LRRFIP1: variants seen among roughly 807,000 people sequenced by gnomAD.
The protein encoded by LRRFIP1 is LRR binding FLII interacting protein 1, also known as leucine-rich repeat flightless-interacting protein 1.
LRRFIP1 carries 62 observed loss-of-function variants against 104.4 expected under a neutral mutation model. The ratio of observed to expected loss-of-function variants is 0.59; its 90% CI spans 0.48 to 0.73. The LOEUF (loss-of-function observed/expected upper bound fraction) is 0.73. Among genes scored for constraint, LRRFIP1 ranks in the 30% least tolerant of loss-of-function variants. LRRFIP1 has a pLI of 0.00. For synonymous variants in LRRFIP1, 300 were observed against 299.0 expected (o/e 1.00, Z -0.03); for missense variants, 796 against 824.5 (o/e 0.97, Z 0.42).
At chr2:237,768,469 G>A (rs777567756) in intron 19 of LRRFIP1, 4 of 152,128 alleles carry the variant, frequency 2.6e-5, no homozygotes, top group Non-Finnish European at 2.9e-5. Context: ...TTCTTATGAC[G>A]CCTGTAGTTT....
chr2:237,708,620 A>G lies in LRRFIP1; in HGVS notation c.173A>G (p.Gln58Arg). Residue 58 changes from glutamine (Q) to arginine (R), a missense_variant, in exon 2 of 24, where the codon CAG becomes CGG. Gln to Arg is a conservative substitution (Grantham distance 43, BLOSUM62 1). Coordinates refer to ENST00000308482, the MANE Select transcript of LRRFIP1 (RefSeq NM_001137550.2). ...REIRMKELERQQKEIYQVQKK... is the reference protein window; with the variant it reads ...REIRMKELERRQKEIYQVQKK... Reference sequence around the variant, plus strand: ...ATCCGCATGAAGGAGCTGGAGCGGCAGCAGAAGGAGGTAACGCTTGGGGCT... The same window carrying G: ...ATCCGCATGAAGGAGCTGGAGCGGCGGCAGAAGGAGGTAACGCTTGGGGCT... The G allele has an allele frequency of 6.3e-7, 1 of 1,598,482 alleles. No individual in the cohort carries two copies. The highest frequency in any genetic ancestry group is 8.5e-7 in the Non-Finnish European group (1 of 1,170,586).
chr2:237,774,399 G>T lies in LRRFIP1; in HGVS notation c.1749G>T (p.Ala583=), dbSNP rs767595090. 8 of 1,613,544 alleles carry T rather than the reference G, an allele frequency of 5.0e-6. No homozygotes were observed. The highest frequency in any genetic ancestry group is 6.8e-6 in the Non-Finnish European group (8 of 1,179,784). ...LESQVSRYKS[A]AENAEKIEDE... ...GTCAAGTATCACGTTACAAATCAGC[G>T]GCTGAAAATGCAGAAAAAATAGAAG... Residue 583 remains alanine (A), a synonymous_variant, in exon 23 of 24, where the codon GCG becomes GCT. Coordinates refer to ENST00000308482, the MANE Select transcript of LRRFIP1 (RefSeq NM_001137550.2).
chr2:237,722,585 AGGACAGTACATAAGATGGGGAGGAAGT>A (rs1381584128), intron 6 of LRRFIP1, among the ~76,000 whole-genome samples: 4 of 152,236 alleles, frequency 2.6e-5, no homozygotes, highest in Non-Finnish European at 4.4e-5. Context: ...GTTCACCATT[AGGACAGTACATAAGATGGGGAGGAAGT>A]GGATGGGATT....
intron 1 of LRRFIP1, among the ~76,000 whole-genome samples, chr2:237,645,080 G>A (rs527496953): frequency 6.6e-6 from 1 of 152,314 alleles, no homozygotes; most frequent in South Asian, 2.1e-4. Context: ...CCACATCCAG[G>A]GAAGTGGACT....
intron 11 of LRRFIP1, among the ~76,000 whole-genome samples, chr2:237,743,924 G>A (rs2057461030): frequency 6.6e-6 from 1 of 152,158 alleles, no homozygotes; most frequent in South Asian, 2.1e-4. Flanking sequence ...TCACGTTTCT[G>A]AAACATCCAT....
intron 2 of LRRFIP1, among the ~76,000 whole-genome samples, chr2:237,712,974 T>C (rs1438898318): frequency 1.3e-4 from 20 of 151,970 alleles, no homozygotes; most frequent in Admixed American, 1.3e-3. Flanking sequence ...TACTTTGGTG[T>C]AAAAATTGAG....
At chr2:237,763,015 G>A (rs201358772) in intron 19 of LRRFIP1, 133 of 1,614,220 alleles carry the variant, frequency 8.2e-5, no homozygotes, top group Non-Finnish European at 7.6e-6. Flanking sequence ...TTGAAGAGCA[G>A]GCAGGCACAG....
intron 2 of LRRFIP1, among the ~76,000 whole-genome samples, chr2:237,712,932 T>C (rs1385502150): frequency 1.3e-5 from 2 of 152,186 alleles, no homozygotes; most frequent in Admixed American, 1.3e-4. Context: ...TGAATACGTT[T>C]TGGAAGACCA....
intron 6 of LRRFIP1, among the ~76,000 whole-genome samples, chr2:237,723,166 G>A (rs544218048): frequency 2.0e-5 from 3 of 152,236 alleles, no homozygotes; most frequent in South Asian, 2.1e-4. Flanking sequence ...AGAATTTCTC[G>A]AGTTTAGATT....
chr2:237,662,497 A>G (rs1057167238), intron 1 of LRRFIP1, among the ~76,000 whole-genome samples: 1 of 151,628 alleles, frequency 6.6e-6, no homozygotes, highest in Non-Finnish European at 1.5e-5. Flanking sequence ...CTTAGAAAAG[A>G]TAAGGACAAT....
intron 1 of LRRFIP1, chr2:237,692,289 G>T (rs1421361171): frequency 2.5e-6 from 3 of 1,187,056 alleles, no homozygotes; most frequent in African/African-American, 1.6e-5. Context: ...GCCGCGAGCC[G>T]CTCCCCGGCG....
intron 1 of LRRFIP1, among the ~76,000 whole-genome samples, chr2:237,657,442 C>T (rs1389366338): frequency 6.6e-6 from 1 of 152,140 alleles, no homozygotes; most frequent in Admixed American, 6.5e-5. Context: ...ACAGTCTAAT[C>T]GTGTTTTCAG....
At chr2:237,772,054 A>G in intron 20 of LRRFIP1, 27 bp from the exon 21 acceptor site, 1 of 1,523,468 alleles carries the variant, frequency 6.6e-7, no homozygotes, top group Non-Finnish European at 9.1e-7. Context: ...AGAGAAATTA[A>G]CAGATTTTAC....
intron 5 of LRRFIP1, among the ~76,000 whole-genome samples, chr2:237,720,378 C>G (rs948404713): frequency 1.3e-5 from 2 of 151,864 alleles, no homozygotes; most frequent in African/African-American, 4.8e-5. Flanking sequence ...CTCCTGAGTA[C>G]CTGGGATTAC....
At chr2:237,633,754 G>A (rs2082718023) in intron 1 of LRRFIP1, among the ~76,000 whole-genome samples, 1 of 152,180 alleles carries the variant, frequency 6.6e-6, no homozygotes, top group Non-Finnish European at 1.5e-5. Context: ...CATGGGACAT[G>A]GCTGAGGCCA....
intron 8 of LRRFIP1, chr2:237,729,884 G>A (rs554496828): frequency 2.8e-5 from 26 of 920,428 alleles, no homozygotes; most frequent in Admixed American, 1.9e-4. Context: ...TTCAGAAACC[G>A]CAGATTTTGT....
At chr2:237,756,040 G>T (rs1238484138) in intron 15 of LRRFIP1, 55 bp from the exon 16 acceptor site, 35 of 1,198,304 alleles carry the variant, frequency 2.9e-5, no homozygotes, top group Non-Finnish European at 3.0e-5. Context: ...AGCCTGAACT[G>T]GCATGCCAGA....
intron 1 of LRRFIP1, among the ~76,000 whole-genome samples, chr2:237,670,713 A>G (rs2090202803): frequency 6.6e-6 from 1 of 152,148 alleles, no homozygotes; most frequent in African/African-American, 2.4e-5. Flanking sequence ...GCCTGGGCCC[A>G]GCTCTGGCTG....
intron 2 of LRRFIP1, among the ~76,000 whole-genome samples, chr2:237,710,468 G>T (rs1403601231): frequency 2.0e-5 from 3 of 151,940 alleles, no homozygotes; most frequent in Non-Finnish European, 4.4e-5. Flanking sequence ...GTCATTTTTA[G>T]TAGAGATGGG....
Sources: allele counts gnomAD v4.1 joint callset (sites outside exome capture counted in the v4.1 genomes callset), GRCh38; gene constraint gnomAD v4.1.1; transcripts MANE v1.5; gene names NCBI Gene and HGNC (gene_info 2026-07-23, HGNC 2026-07-21).